The following ENTPD1 variants were observed in gnomAD, a reference collection of about 807,000 sequenced individuals.
The protein encoded by ENTPD1 is ectonucleoside triphosphate diphosphohydrolase 1.
Under a neutral mutation model 57.0 loss-of-function variants are expected in ENTPD1, and 33 were observed. That is an observed-to-expected ratio of 0.58 (90% CI 0.44 to 0.77). The LOEUF (loss-of-function observed/expected upper bound fraction) is 0.77. ENTPD1 is among the 30% of genes least tolerant of loss of function. ENTPD1 has a pLI of 0.00. For missense variants in ENTPD1, 501 were observed against 603.4 expected, an observed-to-expected ratio of 0.83 and a Z score of 1.78; for synonymous variants, 202 against 218.8, an observed-to-expected ratio of 0.92 and a Z score of 0.68.
intron 1 of ENTPD1, among the ~76,000 whole-genome samples, chr10:95,790,080 A>G (rs2140257022): frequency 6.6e-6 from 1 of 152,366 alleles, no homozygotes; most frequent in East Asian, 1.9e-4. Flanking sequence ...GAGAAAAGTC[A>G]TGACTCATGA....
the ENTPD1 span, among the ~76,000 whole-genome samples, chr10:95,697,856 C>T: frequency 6.6e-6 from 1 of 152,078 alleles, no homozygotes; most frequent in Non-Finnish European, 1.5e-5. Context: ...AAATTGGAAC[C>T]AAGAAGTGGG....
intron 1 of ENTPD1, among the ~76,000 whole-genome samples, chr10:95,736,128 G>A (rs546845857): frequency 6.6e-6 from 1 of 151,724 alleles, no homozygotes; most frequent in East Asian, 1.9e-4. Context: ...AGCCTCCAGA[G>A]TAGCTGGGAT....
At chr10:95,754,201 T>TGGAGGC (rs1451919674), upstream of ENTPD1, 1 of 137,774 alleles carries the variant, frequency 7.3e-6, no homozygotes, top group Admixed American at 7.8e-5. Flanking sequence ...CCCAGCTACT[T>TGGAGGC]GGAGGCAGAG....
intron 3 of ENTPD1, among the ~76,000 whole-genome samples, chr10:95,840,313 C>T (rs2098419860): frequency 6.6e-6 from 1 of 152,214 alleles, no homozygotes; most frequent in Admixed American, 6.5e-5. Context: ...TGATGGGTCC[C>T]ATCCCCTAGA....
rs1459311870 is a variant in ENTPD1 at position 95,868,412 on chromosome 10, C to G, written c.*2029C>G. 5.1e-6 allele frequency: 5 copies of G among 985,442 alleles called. No individual in the cohort carries two copies. Among genetic ancestry groups the G allele is most frequent in the Non-Finnish European group, 6.0e-6 (5 of 829,934 alleles). 61.0% of individuals were successfully genotyped at this position (985,442 alleles called of 1,614,324 possible). On this transcript the variant is annotated 3_prime_UTR_variant, in exon 10 of 10. Transcript: ENST00000371205. ...TCATGTGCTTTGGATGGAAGCACAT[C>G]TGGCATATGATGCTAATCAGTGGTT...
chr10:95,855,163 G>A (rs1353791323), intron 7 of ENTPD1, among the ~76,000 whole-genome samples: 1 of 152,092 alleles, frequency 6.6e-6, no homozygotes, highest in Non-Finnish European at 1.5e-5. Flanking sequence ...AGCTCTTCTT[G>A]TTGAATTGAT....
intron 1 of ENTPD1, among the ~76,000 whole-genome samples, chr10:95,793,975 A>G (rs765361780): frequency 6.6e-6 from 1 of 152,246 alleles, no homozygotes; most frequent in Non-Finnish European, 1.5e-5. Flanking sequence ...ACAAAATTAG[A>G]AAGTCACTAA....
At chr10:95,849,484 G>A (rs1006620524) in intron 7 of ENTPD1, among the ~76,000 whole-genome samples, 2 of 152,140 alleles carry the variant, frequency 1.3e-5, no homozygotes, top group Non-Finnish European at 2.9e-5. Flanking sequence ...TTTCTCCTAA[G>A]GTCACCTGGC....
chr10:95,859,215 T>C (rs769345620), intron 7 of ENTPD1, among the ~76,000 whole-genome samples: 4 of 152,272 alleles, frequency 2.6e-5, no homozygotes, highest in Non-Finnish European at 5.9e-5. Flanking sequence ...AACTGAGGCA[T>C]ACGGCCTGTT....
intron 1 of ENTPD1, among the ~76,000 whole-genome samples, chr10:95,796,552 A>G (rs1384353979): frequency 6.6e-6 from 1 of 152,112 alleles, no homozygotes; most frequent in Non-Finnish European, 1.5e-5. Context: ...CTTAATACAC[A>G]TGGGTTGTGT....
upstream of ENTPD1, among the ~76,000 whole-genome samples, chr10:95,751,987 A>G (rs1002587586): frequency 2.0e-5 from 3 of 152,184 alleles, no homozygotes; most frequent in African/African-American, 4.8e-5. Context: ...TACAAGACAC[A>G]AAAGTTGACT....
chr10:95,728,855 T>A (rs2097986415), intron 1 of ENTPD1, among the ~76,000 whole-genome samples: 1 of 152,180 alleles, frequency 6.6e-6, no homozygotes, highest in South Asian at 2.1e-4. Context: ...TATTTCCATT[T>A]CTCTCAACTG....
intron 1 of ENTPD1, among the ~76,000 whole-genome samples, chr10:95,728,800 C>T (rs977096154): frequency 1.2e-4 from 18 of 152,096 alleles, no homozygotes; most frequent in African/African-American, 3.6e-4. Flanking sequence ...GTATGTTCTA[C>T]GGTGAATTTT....
chr10:95,715,652 A>C (rs573725073), intron 1 of ENTPD1, among the ~76,000 whole-genome samples: 1 of 152,046 alleles, frequency 6.6e-6, no homozygotes, highest in East Asian at 1.9e-4. Context: ...TTTTGTTTTA[A>C]ATCAATATTT....
Position 95,867,376 on chromosome 10 carries a change from G to T in ENTPD1, c.*993G>T. On this transcript the variant is annotated 3_prime_UTR_variant, in exon 10 of 10. Transcript: ENST00000371205. ...TTGTCTAGAGACAAGACTATCCTGG[G>T]TAGGCAGAAACCATAGATCTTTTGT... is the stretch of plus-strand genomic sequence containing the variant. 10 of 985,378 alleles carry T rather than the reference G, an allele frequency of 1.0e-5. No homozygotes were observed. Among genetic ancestry groups the T allele is most frequent in the Non-Finnish European group, 1.2e-5 (10 of 829,924 alleles). The allele number at this position is 985,378 out of a possible 1,614,324, so 61.0% of individuals were successfully genotyped here.
the ENTPD1 span, chr10:95,694,282 A>G: frequency 3.7e-6 from 1 of 270,318 alleles, no homozygotes; most frequent in South Asian, 3.7e-5. Flanking sequence ...AGAGGCCGGA[A>G]CTAGAATTGC....
At chr10:95,759,949 G>C (rs2098049526) in intron 1 of ENTPD1, among the ~76,000 whole-genome samples, 1 of 152,146 alleles carries the variant, frequency 6.6e-6, no homozygotes, top group Non-Finnish European at 1.5e-5. Flanking sequence ...TGCAAAGTCT[G>C]GGATCCTAAT....
At chr10:95,807,567 G>A (rs1414343621) in intron 1 of ENTPD1, among the ~76,000 whole-genome samples, 1 of 152,232 alleles carries the variant, frequency 6.6e-6, no homozygotes, top group South Asian at 2.1e-4. Context: ...AATTGGAAAT[G>A]CAGAAATCAC....
At chr10:95,710,493 A>T (rs114393570), upstream of ENTPD1, among the ~76,000 whole-genome samples, 2,982 of 148,426 alleles carry the variant, frequency 0.02, 88 homozygotes, top group African/African-American at 0.063. Flanking sequence ...AAGTAAGTTG[A>T]ATAAACGGTG....
Sources: allele counts gnomAD v4.1 joint callset (sites outside exome capture counted in the v4.1 genomes callset), GRCh38; gene constraint gnomAD v4.1.1; transcripts MANE v1.5; gene names NCBI Gene and HGNC (gene_info 2026-07-23, HGNC 2026-07-21).